The following ARHGAP6 variants were observed in gnomAD, a reference collection of about 807,000 sequenced individuals.
ARHGAP6 encodes the protein Rho GTPase activating protein 6.
Under a neutral mutation model 55.7 loss-of-function variants are expected in ARHGAP6, and 16 were observed. The observed-to-expected ratio is 0.29, with a 90% CI of 0.19 to 0.44. The LOEUF (loss-of-function observed/expected upper bound fraction) is 0.44, where lower values mean the gene tolerates loss of function less well. Among genes scored for constraint, ARHGAP6 ranks in the 20% least tolerant of loss-of-function variants. The pLI is 1.00. For missense variants in ARHGAP6, 698 were observed against 808.9 expected (o/e 0.86, Z 1.66); for synonymous variants, 382 against 360.9 (o/e 1.06, Z -0.66).
At chrX:11,206,132 A>T (rs770015260) in intron 2 of ARHGAP6, among the ~76,000 whole-genome samples, 19 of 111,830 alleles carry the variant, frequency 1.7e-4, no homozygotes, top group African/African-American at 6.2e-4. Flanking sequence ...GTTACCTGAA[A>T]TCCCACCTCT....
chrX:11,342,999 C>T (rs1281946950), intron 1 of ARHGAP6, among the ~76,000 whole-genome samples: 2 of 112,205 alleles, frequency 1.8e-5, no homozygotes, highest in Non-Finnish European at 1.9e-5. Flanking sequence ...TATTTAGCCA[C>T]TTCTGCCAAA....
In ARHGAP6 at chrX:11,432,104, C is replaced by A. The variant is rs1376695350; in HGVS notation, c.589-177397G>T. ...CAGGGAGTGGGGAAAGGCATAATCA[C>A]CCCTGGTTGAAATCCACTGCCTTTT... On this transcript the variant is annotated intron_variant, in intron 1 of 12. Transcript: ENST00000337414. Among the ~76,000 whole-genome samples the A allele has an allele frequency of 2.7e-5, 3 of 112,690 alleles. No individual in the cohort carries two copies. The Admixed American group carries it at 2.8e-4, about 10-fold the overall frequency.
chrX:11,193,714 G>A (rs2046493955), intron 3 of ARHGAP6, among the ~76,000 whole-genome samples: 1 of 112,280 alleles, frequency 8.9e-6, no homozygotes, highest in Admixed American at 9.4e-5. Context: ...ACATTTCAGA[G>A]TTTTCACTGA....
chrX:11,190,024 T>C (rs2046433932), intron 3 of ARHGAP6, among the ~76,000 whole-genome samples: 1 of 112,064 alleles, frequency 8.9e-6, no homozygotes, highest in South Asian at 3.7e-4. Context: ...CAAGGGAAAA[T>C]AATTCTAAGG....
chrX:11,464,253 G>A (rs754353956), intron 1 of ARHGAP6, among the ~76,000 whole-genome samples: 30 of 112,017 alleles, frequency 2.7e-4, no homozygotes, highest in Non-Finnish European at 5.1e-4. Context: ...CAGGTAAGCA[G>A]AAATTATTTA....
intron 1 of ARHGAP6, among the ~76,000 whole-genome samples, chrX:11,523,204 T>A (rs1049472935): frequency 1.8e-5 from 2 of 111,694 alleles, no homozygotes; most frequent in African/African-American, 6.5e-5. Flanking sequence ...CTAAAAACTC[T>A]CAATAAATTA....
At chrX:11,462,159 C>A (rs753818787) in intron 1 of ARHGAP6, among the ~76,000 whole-genome samples, 1 of 111,766 alleles carries the variant, frequency 8.9e-6, no homozygotes, top group African/African-American at 3.2e-5. Context: ...TTTTAATGCA[C>A]GGTAGGCTGC....
chrX:11,490,394 A>T (rs745858403), intron 1 of ARHGAP6, among the ~76,000 whole-genome samples: 1 of 111,328 alleles, frequency 9.0e-6, no homozygotes, highest in Non-Finnish European at 1.9e-5. Context: ...ACCACAAAGA[A>T]ATGAATTCTG....
chrX:11,291,450 GATCA>G (rs2047989373), intron 1 of ARHGAP6, among the ~76,000 whole-genome samples: 1 of 110,695 alleles, frequency 9.0e-6, no homozygotes, highest in African/African-American at 3.3e-5. Context: ...AAAAGTATAA[GATCA>G]ATCTTTCTAA....
At chrX:11,217,182 G>A (rs1392649328) in intron 2 of ARHGAP6, among the ~76,000 whole-genome samples, 1 of 112,163 alleles carries the variant, frequency 8.9e-6, no homozygotes, top group African/African-American at 3.2e-5. Context: ...ACATATGTGT[G>A]CATGTGTCTT....
At chrX:11,453,249 A>AAT (rs1363875478) in intron 1 of ARHGAP6, among the ~76,000 whole-genome samples, 4 of 95,785 alleles carry the variant, frequency 4.2e-5, no homozygotes, top group Non-Finnish European at 8.4e-5. Context: ...ATATATACAT[A>AAT]ATATATATAT....
chrX:11,463,258 G>A (rs749118145), intron 1 of ARHGAP6, among the ~76,000 whole-genome samples: 19 of 112,133 alleles, frequency 1.7e-4, no homozygotes, highest in Admixed American at 6.6e-4. Flanking sequence ...TGTGGAGAGG[G>A]AGGATGGAGG....
chrX:11,398,698 T>A (rs754278444), intron 1 of ARHGAP6, among the ~76,000 whole-genome samples: 49 of 111,981 alleles, frequency 4.4e-4, no homozygotes, highest in African/African-American at 1.2e-3. Context: ...CCTTTATATA[T>A]AGTATAACAA....
chrX:11,296,679 G>A, intron 1 of ARHGAP6: 1 of 962,313 alleles, frequency 1.0e-6, no homozygotes, highest in Admixed American at 2.3e-5. Context: ...CCTTTAATGT[G>A]AACAATTGCA....
chrX:11,139,704 A>G (rs2045593251), intron 12 of ARHGAP6, among the ~76,000 whole-genome samples, 174 bp from the exon 13 acceptor site: 1 of 112,322 alleles, frequency 8.9e-6, no homozygotes, highest in African/African-American at 3.2e-5. Context: ...CTTCCCAGCA[A>G]AACAAAAAAA....
chrX:11,473,015 A>C (rs896358260), intron 1 of ARHGAP6, among the ~76,000 whole-genome samples: 2 of 110,929 alleles, frequency 1.8e-5, no homozygotes, highest in African/African-American at 6.6e-5. Flanking sequence ...AGTCAGCTCC[A>C]TGGCCAGAAA....
chrX:11,349,044 T>G (rs913230481), intron 1 of ARHGAP6, among the ~76,000 whole-genome samples: 1 of 82,519 alleles, frequency 1.2e-5, no homozygotes, highest in Non-Finnish European at 2.3e-5. Flanking sequence ...GTTATTCCTG[T>G]TTTTTTTTTT....
At chrX:11,155,041 T>G (rs2045844605) in intron 10 of ARHGAP6, among the ~76,000 whole-genome samples, 1 of 111,891 alleles carries the variant, frequency 8.9e-6, no homozygotes. Context: ...TAAAAGGTCT[T>G]CCCTGCTAAG....
intron 1 of ARHGAP6, among the ~76,000 whole-genome samples, chrX:11,423,963 A>G (rs757679465): frequency 2.7e-5 from 3 of 112,644 alleles, no homozygotes; most frequent in African/African-American, 9.7e-5. Flanking sequence ...AGAAAGACAT[A>G]AAGATATTGC....
Sources: allele counts gnomAD v4.1 joint callset (sites outside exome capture counted in the v4.1 genomes callset), GRCh38; gene constraint gnomAD v4.1.1; transcripts MANE v1.5; gene names NCBI Gene and HGNC (gene_info 2026-07-23, HGNC 2026-07-21).